Variants in SH3D21 observed in about 807,000 individuals in gnomAD.
SH3D21 encodes manchette microtubule inner protein 1.
Under a neutral mutation model 82.1 loss-of-function variants are expected in SH3D21, and 83 were observed. That is an observed-to-expected ratio of 1.01 (90% CI 0.85 to 1.21). The LOEUF is 1.21. SH3D21 is among the 50% of genes most tolerant of loss of function. The probability of loss-of-function intolerance (pLI) is 0.00; values close to 1 mark genes in which losing one functional copy is unlikely to be tolerated. For missense variants in SH3D21, 980 were observed against 962.1 expected (o/e 1.02, Z -0.25); for synonymous variants, 383 against 387.8 (o/e 0.99, Z 0.15).
chr1:36,306,529 G>A lies in SH3D21; in HGVS notation c.5-69G>A. On this transcript the variant is annotated intron_variant, in intron 1 of 15. Coordinates refer to ENST00000453908, the MANE Select transcript of SH3D21 (RefSeq NM_001162530.2). The surrounding 1 kb of genome is among the most constrained non-coding windows in gnomAD (Gnocchi z 4.5). ...TGCCCTCTACGGTGCTTGGGGACAC[G>A]CCCGCCCTAGCCAGGCTGCCCGGCT... 7.7e-7 allele frequency: 1 copy of A among 1,302,728 alleles called. No individual in the cohort carries two copies. Among genetic ancestry groups the A allele is most frequent in the South Asian group, 1.2e-5 (1 of 80,902 alleles). 80.7% of individuals were successfully genotyped at this position (1,302,728 alleles called of 1,614,324 possible).
chr1:36,323,185 C>T (rs529841390), downstream of SH3D21: 2,094 of 846,392 alleles, frequency 2.5e-3, 4 homozygotes, highest in Non-Finnish European at 3.1e-3. Flanking sequence ...GAGAGCGCTT[C>T]CCTAACTTCG....
At chr1:36,315,467 A>G (rs1178243746) in intron 10 of SH3D21, among the ~76,000 whole-genome samples, 1 of 151,906 alleles carries the variant, frequency 6.6e-6, no homozygotes, top group African/African-American at 2.4e-5. Flanking sequence ...CTCCCGCCTT[A>G]GCCTTCTGAG....
chr1:36,311,654 A>G (rs942125694), intron 10 of SH3D21, among the ~76,000 whole-genome samples: 1 of 151,590 alleles, frequency 6.6e-6, no homozygotes, highest in Non-Finnish European at 1.5e-5. Context: ...TTCCAGCATC[A>G]TTTATTATTT....
In SH3D21 at chr1:36,307,982, G is replaced by A. The variant is rs1482404578; in HGVS notation, c.538+19G>A. ...CAGACAGGTGAGCACCCATCCAAAG[G>A]GTCCCCCACTCCCTCAGCCACTCCC... On this transcript the variant is annotated intron_variant, in intron 7 of 15. Transcript: ENST00000453908. This position sits in a 1 kb window ranked among gnomAD's most constrained non-coding sequence, Gnocchi z 5.4. 1 of 1,551,458 alleles carries A rather than the reference G, an allele frequency of 6.4e-7. No homozygotes were observed. Among genetic ancestry groups the A allele is most frequent in the African/African-American group, 1.4e-5 (1 of 73,016 alleles).
downstream of SH3D21, chr1:36,322,192 C>G: frequency 7.3e-7 from 1 of 1,375,948 alleles, no homozygotes; most frequent in Non-Finnish European, 9.4e-7. Context: ...CCCAGTAGCA[C>G]CTGGGAGCTG....
In SH3D21 at chr1:36,319,550, GAC is replaced by G. The variant is rs1455654890; in HGVS notation, c.1011+16_1011+17del. On this transcript the variant is annotated intron_variant, in intron 13 of 15. Coordinates refer to ENST00000453908, the MANE Select transcript of SH3D21 (RefSeq NM_001162530.2). ...GTGTCCAGTCAGGTGAGGGGCGGGA[GAC>G]ATGGGAGAGTGGGGATGCTGGGCAG... 6.4e-7 allele frequency: 1 copy of G among 1,551,718 alleles called. No homozygotes were observed.
At chr1:36,322,116 C>T (rs1284465664), downstream of SH3D21, 7 of 1,355,236 alleles carry the variant, frequency 5.2e-6, no homozygotes, top group Non-Finnish European at 6.7e-6. Flanking sequence ...ATGCTGCCCC[C>T]TCCCCGCCCC....
chr1:36,319,306 G>T lies in SH3D21; in HGVS notation c.910G>T (p.Asp304Tyr). 6.4e-7 allele frequency: 1 copy of T among 1,551,702 alleles called. No homozygotes were observed. The highest frequency in any genetic ancestry group is 1.2e-5 in the South Asian group (1 of 84,060). Reference sequence around the variant, plus strand: ...GGACAGTCAGAAGCTCACCTCCCGAGACTCAGGCAAGGGCTGCCTTCCTCC... The same window carrying T: ...GGACAGTCAGAAGCTCACCTCCCGATACTCAGGCAAGGGCTGCCTTCCTCC... ...SRDSQKLTSR[D>Y]SGPNGGFQSG... The change falls in exon 12 of 16, where the codon GAC becomes TAC. Residue 304 changes from aspartate (D) to tyrosine (Y), a missense_variant. Asp to Tyr is a radical substitution (Grantham distance 160, BLOSUM62 -3). Coordinates refer to ENST00000453908, the MANE Select transcript of SH3D21 (RefSeq NM_001162530.2).
At chr1:36,323,195 G>A (rs1385066122), downstream of SH3D21, 1 of 765,744 alleles carries the variant, frequency 1.3e-6, no homozygotes, top group Non-Finnish European at 2.0e-6. Context: ...CCCTAACTTC[G>A]TGGCGGCCCG....
chr1:36,309,433 G>C, intron 9 of SH3D21, 115 bp from the exon 10 acceptor site: 2 of 1,212,804 alleles, frequency 1.6e-6, no homozygotes, highest in Non-Finnish European at 2.3e-6. Context: ...CTGTCCTCAA[G>C]TGATCCACTC....
Position 36,319,789 on chromosome 1 carries a change from A to G in SH3D21, c.1126A>G (p.Lys376Glu). The change falls in exon 14 of 16, where the codon AAG (lysine) becomes GAG (glutamate). Residue 376 changes from lysine (K) to glutamate (E), a missense_variant. Coordinates refer to ENST00000453908, the MANE Select transcript of SH3D21 (RefSeq NM_001162530.2). ...PAPENAPSSK[K>E]IPAPDKVPSP... ...TCCAGAGAACGCCCCCAGCTCCAAG[A>G]AGATCCCGGCTCCTGACAAAGTCCC... is the stretch of plus-strand genomic sequence containing the variant. 1.9e-6 allele frequency: 3 copies of G among 1,613,612 alleles called. No individual in the cohort carries two copies. The highest frequency in any genetic ancestry group is 2.5e-6 in the Non-Finnish European group (3 of 1,179,868).
chr1:36,322,247 T>C (rs993020305), downstream of SH3D21: 2 of 1,442,748 alleles, frequency 1.4e-6, no homozygotes, highest in Non-Finnish European at 9.1e-7. Flanking sequence ...TCTGAGCTCA[T>C]GTGCAGGTCC....
At position 36,306,925 on chromosome 1, in the gene SH3D21, C is replaced by T; in HGVS notation, c.226+20C>T. 1.5e-6 allele frequency: 2 copies of T among 1,323,350 alleles called. No individual in the cohort carries two copies. The highest frequency in any genetic ancestry group is 2.0e-6 in the Non-Finnish European group (2 of 1,020,034). 82.0% of individuals were successfully genotyped at this position (1,323,350 alleles called of 1,614,324 possible). A position where few individuals can be genotyped will look rare whatever the true frequency, so the allele number is the denominator to read the frequency against. Reference sequence around the variant, plus strand: ...GCCGAGGTGAGCGCAAGGGCGGGGACGGGCGCCGGTGGGCGGGTGCACGGA... The same window carrying T: ...GCCGAGGTGAGCGCAAGGGCGGGGATGGGCGCCGGTGGGCGGGTGCACGGA... On this transcript the variant is annotated intron_variant, in intron 3 of 15. Coordinates refer to ENST00000453908, the MANE Select transcript of SH3D21 (RefSeq NM_001162530.2). This position sits in a 1 kb window ranked among gnomAD's most constrained non-coding sequence, Gnocchi z 4.5.
downstream of SH3D21, chr1:36,322,830 CT>C (rs1646490920): frequency 4.0e-6 from 6 of 1,493,176 alleles, no homozygotes; most frequent in Admixed American, 1.9e-5. Flanking sequence ...CCTGTAACCC[CT>C]ACTCGAAGGG....
In SH3D21 at chr1:36,321,039, A is replaced by G. The variant is rs1268425416; in HGVS notation, c.2200-17A>G. 4 of 1,607,458 alleles carry G rather than the reference A, an allele frequency of 2.5e-6. No homozygotes were observed. The East Asian group carries it at 9.0e-5, about 36-fold the overall frequency. The stretch of plus-strand genomic sequence containing the variant: ...CGAGTGGCCCCCTGACAAAGTCTCC[A>G]CCTCACTCCCGACCAGGTCCAGGTG... On this transcript the variant is annotated splice_polypyrimidine_tract_variant and intron_variant, in intron 15 of 15. Transcript: ENST00000453908. This position sits in a 1 kb window ranked among gnomAD's most constrained non-coding sequence, Gnocchi z 6.1.
intron 13 of SH3D21, 26 bp downstream of exon 13, chr1:36,319,562 T>A: frequency 1.3e-6 from 2 of 1,550,618 alleles, no homozygotes; most frequent in South Asian, 1.2e-5. Flanking sequence ...CATGGGAGAG[T>A]GGGGATGCTG....
chr1:36,314,616 C>T (rs1339777681), intron 10 of SH3D21, among the ~76,000 whole-genome samples: 22 of 151,804 alleles, frequency 1.4e-4, no homozygotes, highest in East Asian at 5.8e-4. Context: ...CCACCACACC[C>T]GGCTAATTTT....
In SH3D21 at chr1:36,306,924, A is replaced by C. The variant is rs774381691; in HGVS notation, c.226+19A>C. 5.3e-6 allele frequency: 7 copies of C among 1,320,728 alleles called. No individual in the cohort carries two copies. The East Asian group carries it at 3.3e-4, about 62-fold the overall frequency. 81.8% of individuals were successfully genotyped at this position (1,320,728 alleles called of 1,614,324 possible). A position where few individuals can be genotyped will look rare whatever the true frequency, so the allele number is the denominator to read the frequency against. The stretch of plus-strand genomic sequence containing the variant: ...CGCCGAGGTGAGCGCAAGGGCGGGG[A>C]CGGGCGCCGGTGGGCGGGTGCACGG... On this transcript the variant is annotated intron_variant, in intron 3 of 15. Coordinates refer to ENST00000453908, the MANE Select transcript of SH3D21 (RefSeq NM_001162530.2). The surrounding 1 kb of genome is among the most constrained non-coding windows in gnomAD (Gnocchi z 4.5).
chr1:36,306,530 C>T lies in SH3D21; in HGVS notation c.5-68C>T. 7.7e-7 allele frequency: 1 copy of T among 1,302,876 alleles called. No individual in the cohort carries two copies. Among genetic ancestry groups the T allele is most frequent in the Non-Finnish European group, 1.0e-6 (1 of 987,954 alleles). 80.7% of individuals were successfully genotyped at this position (1,302,876 alleles called of 1,614,324 possible). ...GCCCTCTACGGTGCTTGGGGACACG[C>T]CCGCCCTAGCCAGGCTGCCCGGCTG... is the stretch of plus-strand genomic sequence containing the variant. On this transcript the variant is annotated intron_variant, in intron 1 of 15. Coordinates refer to ENST00000453908, the MANE Select transcript of SH3D21 (RefSeq NM_001162530.2). The surrounding 1 kb of genome is among the most constrained non-coding windows in gnomAD (Gnocchi z 4.5).
Sources: allele counts gnomAD v4.1 joint callset (sites outside exome capture counted in the v4.1 genomes callset), GRCh38; gene constraint gnomAD v4.1.1; non-coding constraint Gnocchi (gnomAD v3.1); transcripts MANE v1.5; gene names NCBI Gene and HGNC (gene_info 2026-07-23, HGNC 2026-07-21).